C12orf42: variants seen among roughly 807,000 people sequenced by gnomAD.
C12orf42 encodes the protein chromosome 12 open reading frame 42.
Under a neutral mutation model 21.6 loss-of-function variants are expected in C12orf42, and 25 were observed. The observed-to-expected ratio is 1.16, with a 90% CI of 0.84 to 1.62. The LOEUF is 1.62. Among genes scored for constraint, C12orf42 ranks in the 40% most tolerant of loss-of-function variants. The pLI is 0.00. For synonymous variants in C12orf42, 174 were observed against 175.0 expected (o/e 0.99, Z 0.05); for missense variants, 483 against 459.3 (o/e 1.05, Z -0.47).
the C12orf42 span, among the ~76,000 whole-genome samples, chr12:103,157,739 T>A: frequency 6.6e-6 from 1 of 152,216 alleles, no homozygotes; most frequent in Non-Finnish European, 1.5e-5. Flanking sequence ...CTTTCCCCAA[T>A]GCTTGTTTTT....
the C12orf42 span, among the ~76,000 whole-genome samples, chr12:103,164,953 A>G: frequency 6.6e-6 from 1 of 152,258 alleles, no homozygotes; most frequent in Non-Finnish European, 1.5e-5. Flanking sequence ...ATGTCTTCAG[A>G]CAGAGAAATT....
chr12:103,302,472 G>T lies in C12orf42; in HGVS notation c.719C>A (p.Thr240Lys), dbSNP rs751161044. The T allele has an allele frequency of 9.3e-6, 15 of 1,613,468 alleles. No individual in the cohort carries two copies. The highest frequency in any genetic ancestry group is 1.3e-5 in the Non-Finnish European group (15 of 1,179,752). The change falls in exon 6 of 6, where the codon ACA (threonine) becomes AAA (lysine). Residue 240 changes from threonine to lysine, a missense_variant. Physicochemically the swap from Thr to Lys is moderately conservative, Grantham distance 78. Coordinates refer to ENST00000548883, the MANE Select transcript of C12orf42 (RefSeq NM_198521.5). ...CATCCTCTCCTCCGGCTCGAGCTCT[G>T]TGTTACTCGGGCCGGTGCTCTGCAG... ...GALQSTGPSNTELEPEERMAV... is the reference protein window; with the variant it reads ...GALQSTGPSNKELEPEERMAV...
In C12orf42 at chr12:103,294,389, A is replaced by AAAAGAAAGAAAGAAAGAAAGAAAG. The variant is rs10579611; in HGVS notation, n.338-17203_338-17180dup. On this transcript the variant is annotated intron_variant and non_coding_transcript_variant, in intron 4 of 6. Coordinates refer to the C12orf42 transcript ENST00000546526. Reference sequence around the variant, plus strand: ...AAAGAAAGAGAAAGAAGAAAGAAGAAAAAGAAAGAAAGAAAGAAAGAAAGA... The same window carrying AAAAGAAAGAAAGAAAGAAAGAAAG: ...AAAGAAAGAGAAAGAAGAAAGAAGAAAAAGAAAGAAAGAAAGAAAGAAAGAAAGAAAGAAAGAAAGAAAGAAAGA... Among the ~76,000 whole-genome samples, 25 of 118,844 alleles carry AAAAGAAAGAAAGAAAGAAAGAAAG rather than the reference A, an allele frequency of 2.1e-4. No individual in the cohort carries two copies. The East Asian group carries it at 4.8e-3, about 23-fold the overall frequency. The allele number at this position is 118,844 out of a possible 152,430, so 78.0% of individuals were successfully genotyped here. A position where few individuals can be genotyped will look rare whatever the true frequency, so the allele number is the denominator to read the frequency against.
chr12:103,496,813 G>GA (rs35226409), upstream of C12orf42, among the ~76,000 whole-genome samples: 49,937 of 110,758 alleles, frequency 0.45, 12,814 homozygotes, highest in East Asian at 0.59. Flanking sequence ...TTCTAGCCGG[G>GA]AAAAAAAAAA....
intron 2 of C12orf42, among the ~76,000 whole-genome samples, chr12:103,404,558 G>C (rs1365376605): frequency 3.3e-5 from 5 of 152,194 alleles, no homozygotes; most frequent in African/African-American, 1.2e-4. Flanking sequence ...TTGTTTGGCA[G>C]TAATTACACA....
At chr12:103,103,641 T>G in the C12orf42 span, among the ~76,000 whole-genome samples, 1 of 152,310 alleles carries the variant, frequency 6.6e-6, no homozygotes, top group South Asian at 2.1e-4. Context: ...TTTTTTTCCT[T>G]TAAGATTCTG....
chr12:103,423,661 C>T (rs1949556206), intron 2 of C12orf42, among the ~76,000 whole-genome samples: 1 of 152,188 alleles, frequency 6.6e-6, no homozygotes, highest in Non-Finnish European at 1.5e-5. Flanking sequence ...AGCAGATCAA[C>T]ATTTTCAGGC....
chr12:103,376,380 G>T (rs1264485275), intron 3 of C12orf42, among the ~76,000 whole-genome samples: 1 of 151,990 alleles, frequency 6.6e-6, no homozygotes, highest in Non-Finnish European at 1.5e-5. Context: ...CGCAGGGAGG[G>T]GAACATCACA....
chr12:103,411,466 G>A (rs1263042505), intron 2 of C12orf42, among the ~76,000 whole-genome samples: 1 of 152,098 alleles, frequency 6.6e-6, no homozygotes, highest in East Asian at 1.9e-4. Flanking sequence ...AACAATTATT[G>A]CTATAATCTG....
intron 3 of C12orf42, among the ~76,000 whole-genome samples, chr12:103,389,232 TC>T (rs1029303411): frequency 5.3e-5 from 8 of 151,938 alleles, no homozygotes; most frequent in African/African-American, 1.9e-4. Context: ...GATTTAAGCA[TC>T]CCCCCTACTC....
the C12orf42 span, among the ~76,000 whole-genome samples, chr12:103,146,810 A>G: frequency 6.6e-6 from 1 of 152,194 alleles, no homozygotes; most frequent in African/African-American, 2.4e-5. Context: ...ATTTTTCCCC[A>G]AAGATTATCT....
At chr12:103,168,102 G>T in the C12orf42 span, 1 of 455,866 alleles carries the variant, frequency 2.2e-6, no homozygotes, top group East Asian at 6.9e-5. Flanking sequence ...TCACCACAAT[G>T]GAAGTCTTTA....
chr12:103,156,787 C>A, the C12orf42 span, among the ~76,000 whole-genome samples: 4 of 152,086 alleles, frequency 2.6e-5, no homozygotes, highest in Non-Finnish European at 1.5e-5. Context: ...CATCCATGTC[C>A]CTGCAAAGGA....
At chr12:103,275,463 TCC>T (rs2035709752) in intron 5 of C12orf42, among the ~76,000 whole-genome samples, 1 of 152,006 alleles carries the variant, frequency 6.6e-6, no homozygotes, top group African/African-American at 2.4e-5. Flanking sequence ...ATCCTCTCTC[TCC>T]CCTCCAAAAA....
chr12:103,230,365 G>C, the C12orf42 span, among the ~76,000 whole-genome samples: 1 of 152,216 alleles, frequency 6.6e-6, no homozygotes, highest in Middle Eastern at 3.4e-3. Context: ...GCAACTGACA[G>C]AAAGAACTAC....
rs1251941784 is a variant in C12orf42, at chr12:103,478,357, T to C, written c.70A>G (p.Arg24Gly). ...TATCTCTTATGCATTACCTGCATCC[T>C]GTTTGCAAAAGGTCTGATGGTTAGC... ...FLLTIRPFAN[R>G]MQKSPCYIPI... Residue 24 changes from arginine (R) to glycine (G), a missense_variant, in exon 2 of 6, where the codon AGG becomes GGG. Coordinates refer to ENST00000548883, the MANE Select transcript of C12orf42 (RefSeq NM_198521.5). 3 of 1,598,596 alleles carry C rather than the reference T, an allele frequency of 1.9e-6. No homozygotes were observed. Among genetic ancestry groups the C allele is most frequent in the Non-Finnish European group, 2.6e-6 (3 of 1,169,334 alleles).
the C12orf42 span, among the ~76,000 whole-genome samples, chr12:103,190,963 A>G: frequency 6.6e-6 from 1 of 152,202 alleles, no homozygotes; most frequent in Non-Finnish European, 1.5e-5. Flanking sequence ...AGAAAACATT[A>G]TAAGTTTTCA....
the C12orf42 span, among the ~76,000 whole-genome samples, chr12:103,191,614 G>A: frequency 1.4e-5 from 2 of 146,412 alleles, no homozygotes; most frequent in Non-Finnish European, 3.0e-5. Context: ...GGTGGCCCAT[G>A]TTTGTGTTCC....
chr12:103,546,599 T>C, the C12orf42 span, among the ~76,000 whole-genome samples: 4 of 152,026 alleles, frequency 2.6e-5, no homozygotes, highest in African/African-American at 9.7e-5. Context: ...AAGGGTCAGG[T>C]GTTTTGATGG....
Sources: gnomAD v4.1 joint callset for allele counts (sites outside exome capture counted in the v4.1 genomes callset) on GRCh38, gnomAD v4.1.1 for gene constraint, MANE v1.5 for transcripts, NCBI Gene and HGNC (gene_info 2026-07-23, HGNC 2026-07-21) for gene names.